MYO1E: variants seen among roughly 807,000 people sequenced by gnomAD.
The protein encoded by MYO1E is myosin IE.
Under a neutral mutation model 151.1 loss-of-function variants are expected in MYO1E, and 68 were observed. That is an observed-to-expected ratio of 0.45 (90% CI 0.37 to 0.55). The LOEUF (loss-of-function observed/expected upper bound fraction) is 0.55. Among genes scored for constraint, MYO1E ranks in the 20% least tolerant of loss-of-function variants. The probability of loss-of-function intolerance (pLI) is 0.00; values close to 1 mark genes in which losing one functional copy is unlikely to be tolerated. For missense variants in MYO1E, 1,363 were observed against 1,389.3 expected (o/e 0.98, Z 0.30); for synonymous variants, 601 against 501.7 (o/e 1.20, Z -2.64).
intron 1 of MYO1E, among the ~76,000 whole-genome samples, chr15:59,311,010 C>T (rs1232757615): frequency 6.6e-6 from 1 of 152,124 alleles, no homozygotes; most frequent in African/African-American, 2.4e-5. Context: ...CATCTTCCCC[C>T]TCCACTTCCC....
intron 1 of MYO1E, among the ~76,000 whole-genome samples, chr15:59,371,934 C>G (rs1264347448): frequency 6.6e-6 from 1 of 150,512 alleles, no homozygotes; most frequent in Admixed American, 6.6e-5. Flanking sequence ...CGGCCCGCGC[C>G]GCCCCTCGCC....
At chr15:59,138,799 C>CATTA (rs1231910311) in intron 26 of MYO1E, among the ~76,000 whole-genome samples, 1 of 152,108 alleles carries the variant, frequency 6.6e-6, no homozygotes, top group Non-Finnish European at 1.5e-5. Context: ...CACCACCTTA[C>CATTA]AGTTTGTATT....
At chr15:59,185,291 G>C (rs2079688921) in intron 18 of MYO1E, among the ~76,000 whole-genome samples, 1 of 151,558 alleles carries the variant, frequency 6.6e-6, no homozygotes, top group Admixed American at 6.6e-5. Context: ...TTTTTGAGAT[G>C]GAGTCTCACT....
intron 10 of MYO1E, among the ~76,000 whole-genome samples, chr15:59,215,591 T>C (rs2079908539): frequency 6.6e-6 from 1 of 152,164 alleles, no homozygotes; most frequent in Non-Finnish European, 1.5e-5. Flanking sequence ...CGAACAATTC[T>C]TTGAGGTGAT....
At chr15:59,304,349 A>G (rs934214812) in intron 1 of MYO1E, among the ~76,000 whole-genome samples, 2 of 152,170 alleles carry the variant, frequency 1.3e-5, no homozygotes, top group African/African-American at 4.8e-5. Flanking sequence ...ATAAAGCAAA[A>G]GGCAGGGCTG....
At chr15:59,213,841 C>T (rs1192192207) in intron 12 of MYO1E, among the ~76,000 whole-genome samples, 1 of 152,176 alleles carries the variant, frequency 6.6e-6, no homozygotes, top group Non-Finnish European at 1.5e-5. Context: ...TAAAAATGCA[C>T]GTATTGTTAG....
At chr15:59,252,771 A>G (rs2140368479) in intron 4 of MYO1E, among the ~76,000 whole-genome samples, 1 of 151,500 alleles carries the variant, frequency 6.6e-6, no homozygotes, top group South Asian at 2.1e-4. Flanking sequence ...CCTTAACCCC[A>G]GCCACTCAGG....
chr15:59,227,627 G>A (rs1196069643), intron 6 of MYO1E, 37 bp from the exon 7 acceptor site: 2 of 1,612,416 alleles, frequency 1.2e-6, no homozygotes, highest in South Asian at 2.2e-5. Flanking sequence ...AATGGTTGGT[G>A]AACAAAACAT....
intron 1 of MYO1E, among the ~76,000 whole-genome samples, chr15:59,313,716 A>G (rs1347008536): frequency 1.3e-5 from 2 of 152,200 alleles, no homozygotes; most frequent in African/African-American, 4.8e-5. Context: ...CTTGTTAAGT[A>G]AACTAGGACT....
chr15:59,200,497 T>C (rs562319593), intron 16 of MYO1E, among the ~76,000 whole-genome samples: 23 of 152,218 alleles, frequency 1.5e-4, no homozygotes, highest in African/African-American at 5.5e-4. Context: ...ACCCTACAGC[T>C]GAAAGCCCAG....
intron 4 of MYO1E, among the ~76,000 whole-genome samples, chr15:59,252,011 C>A (rs768943620): frequency 6.6e-6 from 1 of 152,068 alleles, no homozygotes; most frequent in South Asian, 2.1e-4. Context: ...CTGTCTAAAA[C>A]GCATACAATG....
intron 8 of MYO1E, among the ~76,000 whole-genome samples, chr15:59,224,198 G>C (rs2079973442): frequency 6.6e-6 from 1 of 152,160 alleles, no homozygotes; most frequent in African/African-American, 2.4e-5. Flanking sequence ...TAACATACAT[G>C]CAATGTGAAG....
At chr15:59,234,506 C>T (rs2080050115) in intron 5 of MYO1E, among the ~76,000 whole-genome samples, 1 of 152,130 alleles carries the variant, frequency 6.6e-6, no homozygotes, top group African/African-American at 2.4e-5. Context: ...TCTACCAGTA[C>T]ATGATAGAAC....
chr15:59,153,572 AG>A lies in MYO1E; in HGVS notation c.3080+17del. The A allele has an allele frequency of 6.2e-7, 1 of 1,612,904 alleles. No homozygotes were observed. ...GATGGAGCTTGCCGGCTTCATCCAG[AG>A]GATGTGAGAATCTTACCCTGCAGCT... is the stretch of plus-strand genomic sequence containing the variant. On this transcript the variant is annotated intron_variant, in intron 26 of 27. Transcript: ENST00000288235.
At chr15:59,218,437 GC>G (rs1190396122) in intron 9 of MYO1E, 1 of 400,936 alleles carries the variant, frequency 2.5e-6, no homozygotes, top group Admixed American at 3.7e-5. Flanking sequence ...CAGCACGACA[GC>G]CAGGAAGGAA....
At chr15:59,238,092 A>T (rs2080077681) in intron 4 of MYO1E, among the ~76,000 whole-genome samples, 1 of 152,208 alleles carries the variant, frequency 6.6e-6, no homozygotes, top group South Asian at 2.1e-4. Context: ...CTACAGTAGC[A>T]AGTAGAAAAC....
chr15:59,334,516 C>A (rs1332715181), intron 1 of MYO1E, among the ~76,000 whole-genome samples: 1 of 151,236 alleles, frequency 6.6e-6, no homozygotes, highest in Non-Finnish European at 1.5e-5. Flanking sequence ...CGACTCCTGA[C>A]ATAAACACAG....
chr15:59,159,326 C>A lies in MYO1E; in HGVS notation c.2786-947G>T, dbSNP rs1429589226. The stretch of plus-strand genomic sequence containing the variant: ...TATTGGGCAATTTCCCCTCGGGGGC[C>A]CGCCGCACAAACATAGCCTGCTGGT... On this transcript the variant is annotated intron_variant, in intron 24 of 27. Transcript: ENST00000288235. The surrounding 1 kb of genome is among the most constrained non-coding windows in gnomAD (Gnocchi z 4.4). Among the ~76,000 whole-genome samples the A allele has an allele frequency of 6.6e-6, 1 of 152,236 alleles. No individual in the cohort carries two copies. The highest frequency in any genetic ancestry group is 1.5e-5 in the Non-Finnish European group (1 of 68,030).
intron 4 of MYO1E, 80 bp from the exon 5 acceptor site, chr15:59,236,752 A>G (rs1316555490): frequency 1.7e-6 from 2 of 1,206,028 alleles, no homozygotes; most frequent in Non-Finnish European, 2.4e-6. Context: ...ATCACACAAA[A>G]CAAACAAACA....
Sources: gnomAD v4.1 joint callset for allele counts (sites outside exome capture counted in the v4.1 genomes callset) on GRCh38, gnomAD v4.1.1 for gene constraint, Gnocchi (gnomAD v3.1) non-coding constraint, MANE v1.5 for transcripts, NCBI Gene and HGNC (gene_info 2026-07-23, HGNC 2026-07-21) for gene names.